The following TTLL6 variants were observed in gnomAD, a reference collection of about 807,000 sequenced individuals.
TTLL6 encodes the protein tubulin tyrosine ligase like 6.
Under a neutral mutation model 96.4 loss-of-function variants are expected in TTLL6, and 75 were observed. That is an observed-to-expected ratio of 0.78 (90% CI 0.65 to 0.94). TTLL6 has a LOEUF of 0.94. Ranked by LOEUF, TTLL6 falls within the 40% of genes least tolerant of loss-of-function variation. The pLI, the probability that TTLL6 is intolerant of heterozygous loss-of-function variation, is 0.00. For missense variants in TTLL6, 1,030 were observed against 1,093.0 expected, an observed-to-expected ratio of 0.94 and a Z score of 0.81; for synonymous variants, 411 against 419.4, an observed-to-expected ratio of 0.98 and a Z score of 0.24.
In TTLL6 at chr17:48,775,520, CTATTATTATTATTAT is replaced by C. The variant is rs369248868; in HGVS notation, c.2041-5438_2041-5424del. ...GCACTTGACAAGGTTCAACATCCAT[CTATTATTATTATTAT>C]TATTATTATTATTATTATTATTTGA... On this transcript the variant is annotated intron_variant, in intron 13 of 15. Transcript: ENST00000393382. 1.2e-4 allele frequency among the ~76,000 whole-genome samples: 17 copies of C among 143,258 alleles called. No individual in the cohort carries two copies. In the East Asian group the frequency reaches 3.0e-3, roughly 25 times the overall value. 94.0% of individuals were successfully genotyped at this position (143,258 alleles called of 152,430 possible).
intron 13 of TTLL6, among the ~76,000 whole-genome samples, chr17:48,772,739 A>T (rs945334307): frequency 1.3e-5 from 2 of 151,958 alleles, no homozygotes; most frequent in Admixed American, 1.3e-4. Context: ...CAAAAAAAAA[A>T]AAAAAAAATT....
At chr17:48,765,259 T>A (rs2038578608) in intron 15 of TTLL6, among the ~76,000 whole-genome samples, 1 of 152,022 alleles carries the variant, frequency 6.6e-6, no homozygotes, top group Admixed American at 6.6e-5. Context: ...AAATACTTTT[T>A]AAATTAGCTG....
At chr17:48,797,713 G>A (rs886366293) in intron 6 of TTLL6, among the ~76,000 whole-genome samples, 6 of 148,852 alleles carry the variant, frequency 4.0e-5, no homozygotes, top group African/African-American at 9.9e-5. Context: ...CTTGAGCCCC[G>A]GGGGGCAGAA....
At chr17:48,805,625 C>T (rs991560920) in intron 1 of TTLL6, among the ~76,000 whole-genome samples, 3 of 152,044 alleles carry the variant, frequency 2.0e-5, no homozygotes, top group African/African-American at 7.3e-5. Flanking sequence ...TAAGGAAGTC[C>T]AGTAAAGATC....
intron 15 of TTLL6, among the ~76,000 whole-genome samples, chr17:48,765,278 G>T (rs1373541474): frequency 6.6e-6 from 1 of 152,116 alleles, no homozygotes; most frequent in Admixed American, 6.5e-5. Context: ...TGGACATCAT[G>T]ATGTGCACCT....
chr17:48,816,779 G>T (rs1203075739), intron 1 of TTLL6, among the ~76,000 whole-genome samples, 191 bp downstream of exon 1: 4 of 152,080 alleles, frequency 2.6e-5, no homozygotes, highest in Non-Finnish European at 5.9e-5. Flanking sequence ...TGAGAAGGGG[G>T]GAGTCCCGGA....
At chr17:48,799,547 G>A (rs2039374078) in intron 6 of TTLL6, 57 bp downstream of exon 6, 2 of 1,502,736 alleles carry the variant, frequency 1.3e-6, no homozygotes. Context: ...CTGTCCAGTG[G>A]AGCTAAAGTC....
Position 48,816,956 on chromosome 17 carries a change from T to C in TTLL6, c.103+14A>G. 1 of 1,522,034 alleles carries C rather than the reference T, an allele frequency of 6.6e-7. No homozygotes were observed. Among genetic ancestry groups the C allele is most frequent in the Non-Finnish European group, 8.8e-7 (1 of 1,136,448 alleles). The allele number at this position is 1,522,034 out of a possible 1,614,324, so 94.3% of individuals were successfully genotyped here. The stretch of plus-strand genomic sequence containing the variant: ...GCGGTCTGGAGCCAGCACCGGGCTT[T>C]GGGGCGCTCTTACCCGCAATTCCTA... On this transcript the variant is annotated intron_variant, in intron 1 of 15. Coordinates refer to ENST00000393382, the MANE Select transcript of TTLL6 (RefSeq NM_001130918.3).
chr17:48,774,442 GC>G (rs2038832055), intron 13 of TTLL6, among the ~76,000 whole-genome samples: 2 of 151,720 alleles, frequency 1.3e-5, no homozygotes, highest in South Asian at 4.2e-4. Flanking sequence ...AGGATTACAG[GC>G]GTGAGCCACT....
intron 8 of TTLL6, 53 bp downstream of exon 8, chr17:48,796,008 A>G (rs2039309982): frequency 2.8e-6 from 4 of 1,422,058 alleles, no homozygotes; most frequent in Non-Finnish European, 3.9e-6. Flanking sequence ...AATCCCAGAA[A>G]GCAGTTCTGA....
intron 1 of TTLL6, among the ~76,000 whole-genome samples, chr17:48,808,061 A>G (rs1020990705): frequency 2.0e-5 from 3 of 149,258 alleles, no homozygotes; most frequent in African/African-American, 7.4e-5. Flanking sequence ...GATGGTCTCA[A>G]TCTCCTGACC....
chr17:48,808,551 C>A (rs2039537624), intron 1 of TTLL6, among the ~76,000 whole-genome samples: 1 of 152,118 alleles, frequency 6.6e-6, no homozygotes, highest in Non-Finnish European at 1.5e-5. Context: ...TCTCCCCTCT[C>A]TATACATATT....
At chr17:48,802,942 G>C (rs966750901) in intron 3 of TTLL6, among the ~76,000 whole-genome samples, 13 of 152,030 alleles carry the variant, frequency 8.6e-5, no homozygotes, top group Non-Finnish European at 1.6e-4. Flanking sequence ...CGCTGAGGCG[G>C]GCAGATCACC....
intron 1 of TTLL6, among the ~76,000 whole-genome samples, chr17:48,808,982 G>A (rs2039543692): frequency 6.6e-6 from 1 of 152,152 alleles, no homozygotes; most frequent in African/African-American, 2.4e-5. Context: ...GTGGTGTGGA[G>A]CCCTTAACTA....
At position 48,762,550 on chromosome 17, in the gene TTLL6, C is replaced by T. The variant is rs2271890; in HGVS notation, c.*424G>A. ...CTGACCTCATCTTTTATCTTGGAGACGAAGACCAACTGGCATAGTTCTGTT... is the reference window on the plus strand; with the variant it reads ...CTGACCTCATCTTTTATCTTGGAGATGAAGACCAACTGGCATAGTTCTGTT... On this transcript the variant is annotated 3_prime_UTR_variant, in exon 16 of 16. Coordinates refer to ENST00000393382, the MANE Select transcript of TTLL6 (RefSeq NM_001130918.3). 155,164 of 169,716 alleles carry T rather than the reference C, an allele frequency of 0.91. 71,351 individuals are homozygous for T. Among genetic ancestry groups the T allele is most frequent in the Non-Finnish European group, 0.96 (76,251 of 79,404 alleles). 10.5% of individuals were successfully genotyped at this position (169,716 alleles called of 1,614,324 possible).
rs759982518 is a variant in TTLL6 at position 48,804,920 on chromosome 17, C to T, written c.175G>A (p.Glu59Lys). 26 of 1,551,604 alleles carry T rather than the reference C, an allele frequency of 1.7e-5. No homozygotes were observed. In the Admixed American group the frequency reaches 2.2e-4, roughly 13 times the overall value. Residue 59 changes from glutamate to lysine, a missense_variant, in exon 2 of 16, where the codon GAA (glutamate) becomes AAA (lysine). Coordinates refer to ENST00000393382, the MANE Select transcript of TTLL6 (RefSeq NM_001130918.3). Reference protein sequence around the residue: ...MPQCPTLESQEGENSEEKGDS... With the variant: ...MPQCPTLESQKGENSEEKGDS... ...CCCTTCTCTTCGGAGTTTTCCCCTT[C>T]CTGGCTTTCCAAAGTCGGGCACTGT...
Position 48,785,025 on chromosome 17 carries a change from C to G in TTLL6, c.1938G>C (p.Arg646Ser), listed in dbSNP as rs2039060916. Reference protein sequence around the residue: ...AKPFSSLPDLRNINLSSSKLE... With the variant: ...AKPFSSLPDLSNINLSSSKLE... ...ACTTCGAGCTGCTGAGATTGATATT[C>G]CTCAGATCGGGTAGAGAACTGAAGG... The change falls in exon 13 of 16, where the codon AGG becomes AGC. Residue 646 changes from arginine (R) to serine (S), a missense_variant. By Grantham distance (110) the Arg-to-Ser change is moderately radical (BLOSUM62 -1). Coordinates refer to ENST00000393382, the MANE Select transcript of TTLL6 (RefSeq NM_001130918.3). 1 of 1,614,126 alleles carries G rather than the reference C, an allele frequency of 6.2e-7. No homozygotes were observed.
At chr17:48,764,136 A>C (rs1471002919) in intron 15 of TTLL6, among the ~76,000 whole-genome samples, 1 of 148,398 alleles carries the variant, frequency 6.7e-6, no homozygotes, top group Non-Finnish European at 1.5e-5. Flanking sequence ...AACCTGACTC[A>C]AAAAAAAAAG....
At chr17:48,764,092 T>A (rs775789732) in intron 15 of TTLL6, among the ~76,000 whole-genome samples, 1 of 151,194 alleles carries the variant, frequency 6.6e-6, no homozygotes, top group Non-Finnish European at 1.5e-5. Flanking sequence ...GCCATGATAG[T>A]GCCACTGCAC....
Sources: allele counts gnomAD v4.1 joint callset (sites outside exome capture counted in the v4.1 genomes callset), GRCh38; gene constraint gnomAD v4.1.1; transcripts MANE v1.5; gene names NCBI Gene and HGNC (gene_info 2026-07-23, HGNC 2026-07-21).